DOK6: variants seen among roughly 807,000 people sequenced by gnomAD.
DOK6 encodes downstream of tyrosine kinase 6.
In DOK6, 22 loss-of-function variants were observed where a neutral mutation model predicts 44.0. The observed-to-expected ratio is 0.50, with a 90% CI of 0.36 to 0.71. The LOEUF (loss-of-function observed/expected upper bound fraction) is 0.71. Among genes scored for constraint, DOK6 ranks in the 30% least tolerant of loss-of-function variants. The pLI, the probability that DOK6 is intolerant of heterozygous loss-of-function variation, is 0.00. For synonymous variants in DOK6, 166 were observed against 145.5 expected, an observed-to-expected ratio of 1.14 and a Z score of -1.01; for missense variants, 340 against 416.4, an observed-to-expected ratio of 0.82 and a Z score of 1.60.
At chr18:69,651,597 T>G (rs968839341) in intron 3 of DOK6, among the ~76,000 whole-genome samples, 5 of 148,900 alleles carry the variant, frequency 3.4e-5, no homozygotes, top group African/African-American at 1.2e-4. Flanking sequence ...CAAGCGAATC[T>G]CCTGCCTTAG....
chr18:69,448,176 T>C (rs1244474383), intron 1 of DOK6, among the ~76,000 whole-genome samples: 1 of 152,230 alleles, frequency 6.6e-6, no homozygotes, highest in Non-Finnish European at 1.5e-5. Flanking sequence ...CTTACACTGA[T>C]GCAGCAAATT....
chr18:69,696,247 A>G (rs1986386905), intron 4 of DOK6, among the ~76,000 whole-genome samples: 1 of 152,164 alleles, frequency 6.6e-6, no homozygotes, highest in African/African-American at 2.4e-5. Flanking sequence ...CAAACATTTC[A>G]GTGAAAATGT....
At chr18:69,664,273 T>A (rs968363242) in intron 3 of DOK6, among the ~76,000 whole-genome samples, 25 of 152,240 alleles carry the variant, frequency 1.6e-4, no homozygotes, top group Admixed American at 1.6e-3. Flanking sequence ...TTTCTGCAAA[T>A]ATATATGATC....
intron 5 of DOK6, among the ~76,000 whole-genome samples, chr18:69,713,677 C>T (rs1354268591): frequency 6.6e-6 from 1 of 152,140 alleles, no homozygotes; most frequent in Non-Finnish European, 1.5e-5. Flanking sequence ...TTTTCAGCCT[C>T]ACAAAACTTG....
Position 69,632,391 on chromosome 18 carries a change from C to T in DOK6, c.289+32893C>T, listed in dbSNP as rs189890476. ...TTTTCCATTTGAAACTTATTATTTA[C>T]AATTTTCCAAAAGGCTTGAGGTCCA... On this transcript the variant is annotated intron_variant, in intron 3 of 7. Coordinates refer to ENST00000382713, the MANE Select transcript of DOK6 (RefSeq NM_152721.6). 3.2e-3 allele frequency among the ~76,000 whole-genome samples: 485 copies of T among 152,200 alleles called. 2 individuals carry two copies. The highest frequency in any genetic ancestry group is 0.01 in the African/African-American group (431 of 41,524).
intron 1 of DOK6, among the ~76,000 whole-genome samples, chr18:69,409,137 T>C (rs961714178): frequency 9.2e-5 from 14 of 152,156 alleles, no homozygotes; most frequent in African/African-American, 2.9e-4. Context: ...TATAAGGGGC[T>C]TCCCCCTTCA....
chr18:69,508,115 A>T (rs888053866), intron 1 of DOK6, among the ~76,000 whole-genome samples: 1 of 152,134 alleles, frequency 6.6e-6, no homozygotes, highest in Non-Finnish European at 1.5e-5. Context: ...TTCAAAGATT[A>T]GTTGTGGGTT....
chr18:69,807,673 G>T (rs1333474202), intron 7 of DOK6, among the ~76,000 whole-genome samples: 1 of 151,770 alleles, frequency 6.6e-6, no homozygotes, highest in Non-Finnish European at 1.5e-5. Flanking sequence ...TAGACTTTAA[G>T]TCAAAAACTG....
intron 4 of DOK6, among the ~76,000 whole-genome samples, chr18:69,692,551 G>A (rs1473797188): frequency 6.6e-6 from 1 of 152,218 alleles, no homozygotes; most frequent in East Asian, 1.9e-4. Context: ...GAGAATCTCA[G>A]TTAAATCTTT....
intron 4 of DOK6, among the ~76,000 whole-genome samples, chr18:69,678,465 T>C (rs1252001139): frequency 6.6e-6 from 1 of 152,222 alleles, no homozygotes; most frequent in Non-Finnish European, 1.5e-5. Context: ...AGACTTATTA[T>C]AGATTTAGAG....
At position 69,569,548 on chromosome 18, in the gene DOK6, GAAAAGA is replaced by G. The variant is rs1365067855; in HGVS notation, c.174+4958_174+4963del. On this transcript the variant is annotated intron_variant, in intron 2 of 7. Coordinates refer to ENST00000382713, the MANE Select transcript of DOK6 (RefSeq NM_152721.6). ...ATGAAAATGGAGTCCAATCTAAAAGGAAAAGAAAATCAGCAAATGTTCAACCTGATA... is the reference window on the plus strand; with the variant it reads ...ATGAAAATGGAGTCCAATCTAAAAGGAAATCAGCAAATGTTCAACCTGATA... 2.0e-5 allele frequency among the ~76,000 whole-genome samples: 3 copies of G among 152,186 alleles called. No individual in the cohort carries two copies. The East Asian group carries it at 5.8e-4, about 29-fold the overall frequency.
At chr18:69,757,192 A>G (rs1179509593) in intron 6 of DOK6, among the ~76,000 whole-genome samples, 1 of 152,240 alleles carries the variant, frequency 6.6e-6, no homozygotes, top group Non-Finnish European at 1.5e-5. Flanking sequence ...ACAAGATTCT[A>G]TAACAGGGGC....
chr18:69,741,967 A>AT (rs749092874), intron 6 of DOK6, among the ~76,000 whole-genome samples: 1 of 152,232 alleles, frequency 6.6e-6, no homozygotes, highest in Non-Finnish European at 1.5e-5. Context: ...AGAAAATTCA[A>AT]TATGATCTTT....
At chr18:69,769,110 A>T (rs2144764335) in intron 7 of DOK6, among the ~76,000 whole-genome samples, 1 of 152,106 alleles carries the variant, frequency 6.6e-6, no homozygotes, top group Middle Eastern at 3.4e-3. Flanking sequence ...TTTTTGTTTT[A>T]CTATTCATAA....
At chr18:69,782,083 T>A (rs893724294) in intron 7 of DOK6, among the ~76,000 whole-genome samples, 2 of 136,140 alleles carry the variant, frequency 1.5e-5, no homozygotes, top group Non-Finnish European at 3.3e-5. Flanking sequence ...AATGGAAAGA[T>A]TATAGGAAGA....
intron 7 of DOK6, among the ~76,000 whole-genome samples, chr18:69,790,522 A>G (rs1980563643): frequency 6.6e-6 from 1 of 152,206 alleles, no homozygotes; most frequent in South Asian, 2.1e-4. Flanking sequence ...GCATGCGCTA[A>G]GTAAGAATTT....
intron 3 of DOK6, among the ~76,000 whole-genome samples, chr18:69,617,461 G>A (rs1984316216): frequency 6.9e-6 from 1 of 144,462 alleles, no homozygotes; most frequent in Non-Finnish European, 1.5e-5. Context: ...AGGAAGGAAG[G>A]AAGGAAAAAG....
chr18:69,608,307 T>C (rs988102667), intron 3 of DOK6, among the ~76,000 whole-genome samples: 1 of 152,242 alleles, frequency 6.6e-6, no homozygotes, highest in Non-Finnish European at 1.5e-5. Context: ...CTGTTAAAGA[T>C]GAGTTGACTA....
At chr18:69,807,208 T>C (rs1434178952) in intron 7 of DOK6, among the ~76,000 whole-genome samples, 1 of 151,808 alleles carries the variant, frequency 6.6e-6, no homozygotes, top group African/African-American at 2.4e-5. Context: ...TAAGCTGTTA[T>C]CAGCTTAAAA....
Sources: gnomAD v4.1 joint callset for allele counts (sites outside exome capture counted in the v4.1 genomes callset) on GRCh38, gnomAD v4.1.1 for gene constraint, MANE v1.5 for transcripts, NCBI Gene and HGNC (gene_info 2026-07-23, HGNC 2026-07-21) for gene names.